Variants in FOXO3B observed in about 807,000 individuals in gnomAD.
FOXO3B encodes forkhead box O3B.
A neutral mutation model predicts 21.9 loss-of-function variants in FOXO3B; 15 were observed. The ratio of observed to expected loss-of-function variants is 0.68; its 90% CI spans 0.46 to 1.05. FOXO3B has a LOEUF of 1.05. Ranked by LOEUF, FOXO3B falls within the 50% of genes least tolerant of loss-of-function variation. The probability of loss-of-function intolerance (pLI) is 0.00; values close to 1 mark genes in which losing one functional copy is unlikely to be tolerated. For synonymous variants in FOXO3B, 135 were observed against 213.6 expected (o/e 0.63, Z 3.21); for missense variants, 293 against 435.5 (o/e 0.67, Z 2.91).
chr17:18,680,921 T>G, intron 2 of FOXO3B, 92 bp from the exon 3 acceptor site: 1 of 1,326,384 alleles, frequency 7.5e-7, no homozygotes, highest in East Asian at 2.3e-5. Context: ...CTATATGTGC[T>G]GCCTACAAAC....
intron 3 of FOXO3B, chr17:18,677,272 G>T (rs572703292): frequency 6.2e-6 from 10 of 1,612,226 alleles, no homozygotes; most frequent in Non-Finnish European, 8.5e-6. Context: ...GGTCTGTTCC[G>T]CATGAAACTC....
intron 1 of FOXO3B, 142 bp from the exon 2 acceptor site, chr17:18,681,988 G>A (rs940838044): frequency 1.6e-6 from 1 of 610,142 alleles, no homozygotes; most frequent in African/African-American, 1.9e-5. Flanking sequence ...GCCGCGCTCG[G>A]GGCACTGGCC....
chr17:18,674,541 G>T (rs935120452), intron 3 of FOXO3B, among the ~76,000 whole-genome samples: 48 of 149,402 alleles, frequency 3.2e-4, no homozygotes, highest in African/African-American at 1.2e-3. Context: ...CAGGAGAATG[G>T]CGTGAACCCA....
chr17:18,672,475 G>T lies in FOXO3B; in HGVS notation c.707C>A (p.Ser236Ter). The T allele has an allele frequency of 6.4e-7, 1 of 1,569,550 alleles. No homozygotes were observed. The highest frequency in any genetic ancestry group is 8.6e-7 in the Non-Finnish European group (1 of 1,157,566). ...GTTTCCCCAGGCGTTCCGCCGCGAC[G>T]AACATTTCCTCGGCTGCCCGGAGCC... The part of the protein sequence containing the change: ...AGGSGQPRKC[S>*]SRRNAWGNLS... Residue 236 changes from serine to a stop codon, truncating the protein, a stop_gained, in exon 4 of 4, where the codon TCG becomes TAG. Coordinates refer to ENST00000395675, the MANE Select transcript of FOXO3B (RefSeq NM_001368135.1). LOFTEE classifies it high-confidence loss of function. The surrounding 1 kb of genome is among the most constrained non-coding windows in gnomAD (Gnocchi z 4.2).
chr17:18,671,357 A>G lies in FOXO3B; in HGVS notation c.*952T>C. 6.2e-7 allele frequency: 1 copy of G among 1,613,724 alleles called. No homozygotes were observed. The highest frequency in any genetic ancestry group is 8.5e-7 in the Non-Finnish European group (1 of 1,179,842). On this transcript the variant is annotated 3_prime_UTR_variant, in exon 4 of 4. Transcript: ENST00000395675. ...TCTGATTGACCACACTTCCCTGGTT[A>G]GGCTGGGCAGCAAAGGACATCATCG...
At chr17:18,679,106 A>G (rs1157178497) in intron 3 of FOXO3B, among the ~76,000 whole-genome samples, 2 of 151,794 alleles carry the variant, frequency 1.3e-5, no homozygotes, top group Non-Finnish European at 2.9e-5. Flanking sequence ...AAAATGAAGA[A>G]TTAGGTTTTA....
At position 18,670,951 on chromosome 17, in the gene FOXO3B, A is replaced by C. The variant is rs1412690322; in HGVS notation, c.*1358T>G. 61 of 1,412,660 alleles carry C rather than the reference A, an allele frequency of 4.3e-5. No homozygotes were observed. Among genetic ancestry groups the C allele is most frequent in the Non-Finnish European group, 5.7e-5 (59 of 1,037,852 alleles). 87.5% of individuals were successfully genotyped at this position (1,412,660 alleles called of 1,614,324 possible). On this transcript the variant is annotated 3_prime_UTR_variant, in exon 4 of 4. Transcript: ENST00000395675. ...GATGAGGCCTGCTTAGCACCAGTGA[A>C]GTTCCCCACGTTCAAACCAACAACA...
intron 3 of FOXO3B, chr17:18,677,753 G>A: frequency 6.6e-7 from 1 of 1,504,252 alleles, no homozygotes; most frequent in South Asian, 1.1e-5. Context: ...CGCTACGGCG[G>A]CTGTAGTGGG....
chr17:18,673,071 A>G lies in FOXO3B; in HGVS notation c.127-16T>C. The G allele has an allele frequency of 1.4e-6, 2 of 1,463,316 alleles. No homozygotes were observed. Among genetic ancestry groups the G allele is most frequent in the Middle Eastern group, 2.4e-4 (1 of 4,090 alleles). The allele number at this position is 1,463,316 out of a possible 1,614,324, so 90.6% of individuals were successfully genotyped here. A position where few individuals can be genotyped will look rare whatever the true frequency, so the allele number is the denominator to read the frequency against. ...CCGCCGCCGCCTGGGGAAGCACGAG[A>G]GAAGAGAGAAGGAGAGTTGGTTATC... On this transcript the variant is annotated splice_polypyrimidine_tract_variant and intron_variant, in intron 3 of 3. Transcript: ENST00000395675.
chr17:18,672,825 G>C lies in FOXO3B; in HGVS notation c.357C>G (p.Pro119=). Residue 119 remains proline (P), a synonymous_variant, in exon 4 of 4, where the codon CCC becomes CCG. Transcript: ENST00000395675. This position sits in a 1 kb window ranked among gnomAD's most constrained non-coding sequence, Gnocchi z 4.2. ...TCGCTTGGAGCTCCGGCCTTTGCAG[G>C]GGCCACGTACAGGATCGCGGACGGC... The part of the protein sequence containing the change: ...PQSRPRSCTW[P]LQRPELQASP... 1 of 1,559,050 alleles carries C rather than the reference G, an allele frequency of 6.4e-7. No homozygotes were observed. Among genetic ancestry groups the C allele is most frequent in the Non-Finnish European group, 8.7e-7 (1 of 1,154,376 alleles).
At chr17:18,678,987 C>G (rs113140679) in intron 3 of FOXO3B, among the ~76,000 whole-genome samples, 24,433 of 149,076 alleles carry the variant, frequency 0.16, 2,437 homozygotes, top group African/African-American at 0.28. Flanking sequence ...AGAATCTGCC[C>G]TTTTTCTCTG....
intron 3 of FOXO3B, 58 bp from the exon 4 acceptor site, chr17:18,673,113 T>C: frequency 2.1e-6 from 3 of 1,443,314 alleles, no homozygotes; most frequent in Non-Finnish European, 2.7e-6. Context: ...CGGAGCCCCG[T>C]CCTCGGCGAG....
chr17:18,674,981 T>C (rs975272257), intron 3 of FOXO3B, among the ~76,000 whole-genome samples: 72 of 152,076 alleles, frequency 4.7e-4, no homozygotes, highest in Admixed American at 1.3e-3. Context: ...CAGTTTCCAC[T>C]TTGCTTGCTT....
rs2032310042 is a variant in FOXO3B, at chr17:18,668,640, G to C, written c.*3669C>G. On this transcript the variant is annotated 3_prime_UTR_variant, in exon 4 of 4. Transcript: ENST00000395675. ...TGCATGTTTCTCTGAACTCAGGACA[G>C]AAGTTCTCAGGACCCTCATGCTGGA... 6.6e-6 allele frequency: 1 copy of C among 152,332 alleles called. No homozygotes were observed. The allele number at this position is 152,332 out of a possible 1,614,324, so 9.4% of individuals were successfully genotyped here.
At position 18,672,771 on chromosome 17, in the gene FOXO3B, G is replaced by A. The variant is rs1366244125; in HGVS notation, c.411C>T (p.Ala137=). The A allele has an allele frequency of 6.4e-7, 1 of 1,551,430 alleles. No homozygotes were observed. The highest frequency in any genetic ancestry group is 8.7e-7 in the Non-Finnish European group (1 of 1,149,262). ...ASPAKPSGET[A]ADSMIPEEED... ...CCTCCTCGGGGATCATGGAGTCGGC[G>A]GCCGTCTCCCCCGAGGGCTTGGCAG... Residue 137 remains alanine (A), a synonymous_variant, in exon 4 of 4, where the codon GCC becomes GCT. Transcript: ENST00000395675. This position sits in a 1 kb window ranked among gnomAD's most constrained non-coding sequence, Gnocchi z 4.2.
intron 1 of FOXO3B, 96 bp downstream of exon 1, chr17:18,682,108 C>T (rs574565710): frequency 3.5e-5 from 22 of 635,842 alleles, no homozygotes; most frequent in South Asian, 3.1e-4. Context: ...GCCCCTTTAA[C>T]AAACGCGCAC....
intron 3 of FOXO3B, among the ~76,000 whole-genome samples, chr17:18,674,330 A>C (rs1393458855): frequency 1.3e-5 from 2 of 151,656 alleles, no homozygotes; most frequent in Non-Finnish European, 2.9e-5. Context: ...CACAGTTAAA[A>C]ATAGGGAGAT....
chr17:18,672,726 C>A lies in FOXO3B; in HGVS notation c.456G>T (p.Glu152Asp), dbSNP rs2032396655. The change falls in exon 4 of 4, where the codon GAG becomes GAT. Residue 152 changes from glutamate to aspartate, a missense_variant. Physicochemically the swap from Glu to Asp is conservative, Grantham distance 45. Around this residue, in one of 2 missense-constraint regions of FOXO3B, gnomAD observed 251 missense variants for 404.0 expected, o/e 0.62. Coordinates refer to ENST00000395675, the MANE Select transcript of FOXO3B (RefSeq NM_001368135.1). This position sits in a 1 kb window ranked among gnomAD's most constrained non-coding sequence, Gnocchi z 4.2. ...IPEEEDDEDDEDGGGRAGSAM... is the reference protein window; with the variant it reads ...IPEEEDDEDDDDGGGRAGSAM... Reference sequence around the variant, plus strand: ...CCGAGCCGGCCCGTCCCCCGCCGTCCTCGTCGTCTTCATCGTCCTCCTCCT... The same window carrying A: ...CCGAGCCGGCCCGTCCCCCGCCGTCATCGTCGTCTTCATCGTCCTCCTCCT... 3 of 1,532,394 alleles carry A rather than the reference C, an allele frequency of 2.0e-6. No individual in the cohort carries two copies. The highest frequency in any genetic ancestry group is 2.6e-6 in the Non-Finnish European group (3 of 1,140,832). 94.9% of individuals were successfully genotyped at this position (1,532,394 alleles called of 1,614,324 possible).
Position 18,672,579 on chromosome 17 carries a change from C to T in FOXO3B, c.603G>A (p.Ala201=). The change falls in exon 4 of 4, where the codon GCG becomes GCA. Residue 201 remains alanine (A), a synonymous_variant. Coordinates refer to ENST00000395675, the MANE Select transcript of FOXO3B (RefSeq NM_001368135.1). The surrounding 1 kb of genome is among the most constrained non-coding windows in gnomAD (Gnocchi z 4.2). ...QDPGSGPATA[A]GGLSGGTQAL... ...CCTGTGTACCCCCGCTCAGCCCGCCCGCCGCGGTGGCTGGCCCAGACCCGG... is the reference window on the plus strand; with the variant it reads ...CCTGTGTACCCCCGCTCAGCCCGCCTGCCGCGGTGGCTGGCCCAGACCCGG... The T allele has an allele frequency of 1.4e-6, 2 of 1,435,114 alleles. No individual in the cohort carries two copies. The highest frequency in any genetic ancestry group is 1.8e-6 in the Non-Finnish European group (2 of 1,103,526). The allele number at this position is 1,435,114 out of a possible 1,614,324, so 88.9% of individuals were successfully genotyped here. A position where few individuals can be genotyped will look rare whatever the true frequency, so the allele number is the denominator to read the frequency against.
Sources: gnomAD v4.1 joint callset for allele counts (sites outside exome capture counted in the v4.1 genomes callset) on GRCh38, gnomAD v4.1.1 for gene constraint, gnomAD v4.1.1 regional missense constraint, Gnocchi (gnomAD v3.1) non-coding constraint, MANE v1.5 for transcripts, NCBI Gene and HGNC (gene_info 2026-07-23, HGNC 2026-07-21) for gene names.